EIF3A: variants seen among roughly 807,000 people sequenced by gnomAD.
The protein encoded by EIF3A is eukaryotic translation initiation factor 3 subunit A.
In EIF3A, 21 loss-of-function variants were observed where a neutral mutation model predicts 186.6. The ratio of observed to expected loss-of-function variants is 0.11; its 90% confidence interval spans 0.08 to 0.16. EIF3A has a LOEUF of 0.16. Ranked by LOEUF, EIF3A falls within the 10% of genes least tolerant of loss-of-function variation. EIF3A has a pLI of 1.00. For synonymous variants in EIF3A, 563 were observed against 584.3 expected (o/e 0.96, Z 0.52); for missense variants, 1,306 against 1,796.3 (o/e 0.73, Z 4.93).
intron 9 of EIF3A, chr10:119,059,945 G>A (rs529735608): frequency 3.1e-5 from 18 of 582,506 alleles, no homozygotes; most frequent in Middle Eastern, 1.1e-3. Context: ...AATCCTAGTT[G>A]TTGTAAAACA....
chr10:119,069,149 A>C (rs1844032237), intron 6 of EIF3A, among the ~76,000 whole-genome samples: 1 of 152,224 alleles, frequency 6.6e-6, no homozygotes, highest in Non-Finnish European at 1.5e-5. Flanking sequence ...TGAGGTGAGG[A>C]GTTCAAGACC....
intron 17 of EIF3A, among the ~76,000 whole-genome samples, chr10:119,047,295 G>C (rs921157091): frequency 6.6e-6 from 1 of 152,014 alleles, no homozygotes; most frequent in South Asian, 2.1e-4. Context: ...AAAGAACCTA[G>C]AAAAGTTCTT....
intron 14 of EIF3A, among the ~76,000 whole-genome samples, chr10:119,052,400 T>TGTGTGTGTGTGTGTGTGTGTGTGTG (rs1564752662): frequency 1.5e-4 from 3 of 19,884 alleles, no homozygotes; most frequent in African/African-American, 3.4e-4. Context: ...GTGTGTGTGT[T>TGTGTGTGTGTGTGTGTGTGTGTGTG]TTAAGACAGG....
Position 119,059,726 on chromosome 10 carries a change from G to C in EIF3A, c.1327-8C>G, listed in dbSNP as rs775756724. Reference sequence around the variant, plus strand: ...CTGATAAATCTGTGACACCTGCATAGAAAACAAAGGGTTAATAACACTAGC... The same window carrying C: ...CTGATAAATCTGTGACACCTGCATACAAAACAAAGGGTTAATAACACTAGC... On this transcript the variant is annotated splice_region_variant and splice_polypyrimidine_tract_variant and intron_variant, in intron 9 of 21. Transcript: ENST00000369144. 4 of 1,571,094 alleles carry C rather than the reference G, an allele frequency of 2.5e-6. No homozygotes were observed. The highest frequency in any genetic ancestry group is 3.5e-6 in the Non-Finnish European group (4 of 1,140,888).
In EIF3A at chr10:119,034,061, C is replaced by T. The variant is rs983219846; in HGVS notation, c.*1978G>A. 1.2e-5 allele frequency: 2 copies of T among 167,114 alleles called. No homozygotes were observed. The highest frequency in any genetic ancestry group is 2.9e-5 in the Non-Finnish European group (2 of 68,150). 10.4% of individuals were successfully genotyped at this position (167,114 alleles called of 1,614,324 possible). On this transcript the variant is annotated 3_prime_UTR_variant, in exon 22 of 22. Transcript: ENST00000369144. Reference sequence around the variant, plus strand: ...CTCTCAATGAAACTGCAGAAGCCACCATGAACATGGAAGACCACCTAGCAG... The same window carrying T: ...CTCTCAATGAAACTGCAGAAGCCACTATGAACATGGAAGACCACCTAGCAG...
At chr10:119,073,222 C>A (rs1022093145) in intron 3 of EIF3A, among the ~76,000 whole-genome samples, 169 bp from the exon 4 acceptor site, 9 of 152,190 alleles carry the variant, frequency 5.9e-5, no homozygotes, top group African/African-American at 2.2e-4. Flanking sequence ...GCATTATGTT[C>A]ATTTAAATTG....
At chr10:119,059,098 A>G (rs1377837081) in intron 11 of EIF3A, 114 bp downstream of exon 11, 2 of 804,254 alleles carry the variant, frequency 2.5e-6, no homozygotes, top group South Asian at 1.7e-5. Context: ...TATAGGAAAC[A>G]TATCATAAAT....
At chr10:119,057,903 A>C (rs543451181) in intron 12 of EIF3A, 53 bp downstream of exon 12, 1 of 1,391,282 alleles carries the variant, frequency 7.2e-7, no homozygotes, top group Admixed American at 1.9e-5. Context: ...TGGTTCTAAG[A>C]GTACAAAATA....
intron 10 of EIF3A, 87 bp from the exon 11 acceptor site, chr10:119,059,484 A>G: frequency 1.5e-6 from 2 of 1,293,394 alleles, no homozygotes; most frequent in Non-Finnish European, 2.2e-6. Flanking sequence ...CAAAAGCTGG[A>G]AAAGTTCACT....
At chr10:119,080,573 C>G (rs911915859) in intron 1 of EIF3A, 55 bp downstream of exon 1, 3 of 1,538,238 alleles carry the variant, frequency 2.0e-6, no homozygotes, top group African/African-American at 1.4e-5. Flanking sequence ...CCCGCGCTCT[C>G]GACCTCGGAG....
intron 4 of EIF3A, among the ~76,000 whole-genome samples, chr10:119,072,060 A>C (rs946927928): frequency 6.8e-6 from 1 of 147,778 alleles, no homozygotes; most frequent in Non-Finnish European, 1.5e-5. Context: ...AGAAAAAAAG[A>C]AAGAAAGTGA....
rs202241660 is a variant in EIF3A at position 119,073,188 on chromosome 10, A to G, written c.378-135T>C. The G allele has an allele frequency of 4.9e-6, 4 of 817,082 alleles. No individual in the cohort carries two copies. In the South Asian group the frequency reaches 5.7e-5, roughly 12 times the overall value. 50.6% of individuals were successfully genotyped at this position (817,082 alleles called of 1,614,324 possible). A position where few individuals can be genotyped will look rare whatever the true frequency, so the allele number is the denominator to read the frequency against. On this transcript the variant is annotated intron_variant, in intron 3 of 21. Transcript: ENST00000369144. ...ATGTACACACTGCAAAGGTGTCACT[A>G]TCTACTCCCTGAATTCCCAATCTGC... is the stretch of plus-strand genomic sequence containing the variant.
intron 17 of EIF3A, among the ~76,000 whole-genome samples, chr10:119,044,840 T>G (rs1848260497): frequency 6.6e-6 from 1 of 151,816 alleles, no homozygotes; most frequent in African/African-American, 2.4e-5. Flanking sequence ...AGCGCAAGCC[T>G]CTGTCTCAAA....
At chr10:119,067,794 T>C (rs932519250) in intron 6 of EIF3A, among the ~76,000 whole-genome samples, 4 of 152,146 alleles carry the variant, frequency 2.6e-5, no homozygotes, top group African/African-American at 9.7e-5. Flanking sequence ...AGGTGGTATG[T>C]GTGTTGCCTA....
intron 1 of EIF3A, among the ~76,000 whole-genome samples, chr10:119,078,745 G>A (rs1335076027): frequency 2.0e-5 from 3 of 152,082 alleles, no homozygotes; most frequent in African/African-American, 7.2e-5. Flanking sequence ...TTTAATTTCA[G>A]ATCCTTTCCT....
In EIF3A at chr10:119,042,674, G is replaced by A; in HGVS notation, c.2846C>T (p.Ser949Phe). ...RLGDDEDREP[S>F]LRPDDDRVPR... is the part of the protein sequence containing the mutation. ...AACCCGATCATCGTCTGGTCTAAGAGAGGGCTCTCTATCTTCATCATCCCC... is the reference window on the plus strand; with the variant it reads ...AACCCGATCATCGTCTGGTCTAAGAAAGGGCTCTCTATCTTCATCATCCCC... The change falls in exon 19 of 22, where the codon TCT (serine) becomes TTT (phenylalanine). Residue 949 changes from serine (S) to phenylalanine (F), a missense_variant. Ser to Phe is a radical substitution (Grantham distance 155). This residue lies in a region of EIF3A where 410 missense variants were observed against 473.5 expected (regional missense o/e 0.87). Coordinates refer to ENST00000369144, the MANE Select transcript of EIF3A (RefSeq NM_003750.4). The surrounding 1 kb of genome is among the most constrained non-coding windows in gnomAD (Gnocchi z 7.8). The A allele has an allele frequency of 6.2e-7, 1 of 1,614,154 alleles. No individual in the cohort carries two copies.
intron 1 of EIF3A, among the ~76,000 whole-genome samples, chr10:119,079,885 C>CT (rs1198479242): frequency 6.6e-6 from 1 of 152,218 alleles, no homozygotes; most frequent in Non-Finnish European, 1.5e-5. Context: ...GTTTCGTTAT[C>CT]TTTAAGAGGC....
intron 14 of EIF3A, among the ~76,000 whole-genome samples, chr10:119,053,948 T>C (rs906371075): frequency 6.6e-6 from 1 of 152,100 alleles, no homozygotes; most frequent in Admixed American, 6.5e-5. Flanking sequence ...TGAGACAGAG[T>C]CTCCCATGGT....
intron 19 of EIF3A, among the ~76,000 whole-genome samples, chr10:119,040,991 C>T (rs1033431681): frequency 4.2e-5 from 5 of 117,730 alleles, no homozygotes; most frequent in South Asian, 5.8e-4. Context: ...GATGACAGAG[C>T]GAGACTCCGT....
Sources: gnomAD v4.1 joint callset for allele counts (sites outside exome capture counted in the v4.1 genomes callset) on GRCh38, gnomAD v4.1.1 for gene constraint, gnomAD v4.1.1 regional missense constraint, Gnocchi (gnomAD v3.1) non-coding constraint, MANE v1.5 for transcripts, NCBI Gene and HGNC (gene_info 2026-07-23, HGNC 2026-07-21) for gene names.